Variants in CILK1 observed in about 807,000 individuals in gnomAD.
CILK1 encodes the protein ciliogenesis associated kinase 1.
A neutral mutation model predicts 79.2 loss-of-function variants in CILK1; 47 were observed. The observed-to-expected ratio is 0.59, with a 90% CI of 0.47 to 0.76. CILK1 has a LOEUF of 0.76. CILK1 is among the 30% of genes least tolerant of loss of function. The pLI, the probability that CILK1 is intolerant of heterozygous loss-of-function variation, is 0.00. For missense variants in CILK1, 660 were observed against 769.5 expected, an observed-to-expected ratio of 0.86 and a Z score of 1.68; for synonymous variants, 266 against 275.9, an observed-to-expected ratio of 0.96 and a Z score of 0.36.
At chr6:53,008,101 A>C (rs1022011284) in intron 12 of CILK1, among the ~76,000 whole-genome samples, 15 of 151,624 alleles carry the variant, frequency 9.9e-5, no homozygotes, top group Non-Finnish European at 1.5e-4. Context: ...ATTGCAATCA[A>C]CTTATGTATT....
intron 7 of CILK1, among the ~76,000 whole-genome samples, 164 bp from the exon 8 acceptor site, chr6:53,016,414 G>T (rs1764899020): frequency 6.6e-6 from 1 of 152,118 alleles, no homozygotes; most frequent in African/African-American, 2.4e-5. Context: ...ATGAGACATA[G>T]ATTTAGATTA....
chr6:53,031,024 T>C, intron 5 of CILK1, 41 bp downstream of exon 5: 3 of 1,338,768 alleles, frequency 2.2e-6, no homozygotes, highest in Non-Finnish European at 3.2e-6. Context: ...GATAACAACA[T>C]TTCACTGCTC....
chr6:53,011,756 T>C lies in CILK1; in HGVS notation c.1492+13A>G. 1 of 1,612,642 alleles carries C rather than the reference T, an allele frequency of 6.2e-7. No individual in the cohort carries two copies. The highest frequency in any genetic ancestry group is 8.5e-7 in the Non-Finnish European group (1 of 1,178,626). On this transcript the variant is annotated intron_variant, in intron 11 of 13. Transcript: ENST00000676107. ...TATTAATAATCAAAGTAAAGCCAAG[T>C]CATTTATATTACCAGGCAAGTATCG...
chr6:53,043,977 G>A (rs952024576), intron 1 of CILK1, among the ~76,000 whole-genome samples: 1 of 152,004 alleles, frequency 6.6e-6, no homozygotes, highest in Non-Finnish European at 1.5e-5. Context: ...ACTCCAAGAA[G>A]CAGAAACTAA....
At chr6:53,052,260 CCATGGTGTATATGTA>C (rs1767534965) in intron 1 of CILK1, among the ~76,000 whole-genome samples, 1 of 152,142 alleles carries the variant, frequency 6.6e-6, no homozygotes. Flanking sequence ...GCAAAGTATT[CCATGGTGTATATGTA>C]CATTTTCTTT....
chr6:53,016,090 G>C lies in CILK1; in HGVS notation c.824C>G (p.Ala275Gly). The C allele has an allele frequency of 6.2e-7, 1 of 1,613,974 alleles. No homozygotes were observed. The highest frequency in any genetic ancestry group is 8.5e-7 in the Non-Finnish European group (1 of 1,179,866). ...LQWDPKKRPT[A>G]SQALRYPYFQ... ...AAGAAAATGGAAGAAAACCTGACTA[G>C]CTGTTGGTCGTTTCTTGGGATCCCA... The change falls in exon 8 of 14, where the codon GCT becomes GGT. Residue 275 changes from alanine to glycine, a missense_variant. Ala to Gly is a moderately conservative substitution (Grantham distance 60, BLOSUM62 0). Coordinates refer to ENST00000676107, the MANE Select transcript of CILK1 (RefSeq NM_014920.5).
intron 3 of CILK1, among the ~76,000 whole-genome samples, chr6:53,034,858 T>A (rs1023343274): frequency 6.6e-6 from 1 of 152,104 alleles, no homozygotes; most frequent in South Asian, 2.1e-4. Flanking sequence ...ATCACCAAGA[T>A]GTGACTTGAA....
intron 12 of CILK1, 91 bp from the exon 13 acceptor site, chr6:53,006,528 A>AACT (rs1388461662): frequency 1.6e-5 from 23 of 1,436,900 alleles, no homozygotes; most frequent in Non-Finnish European, 2.2e-5. Flanking sequence ...AGCAATAACA[A>AACT]ACTAAGTTTT....
At chr6:53,029,966 C>T (rs1041295767) in intron 5 of CILK1, among the ~76,000 whole-genome samples, 2 of 152,162 alleles carry the variant, frequency 1.3e-5, no homozygotes, top group African/African-American at 4.8e-5. Context: ...CATCTGGTGG[C>T]TCTGTGCTCA....
intron 1 of CILK1, 124 bp from the exon 2 acceptor site, chr6:53,041,532 T>C: frequency 7.7e-6 from 3 of 388,182 alleles, no homozygotes; most frequent in Non-Finnish European, 1.5e-5. Flanking sequence ...ATACCATTCA[T>C]GACTACAACA....
At chr6:53,031,215 A>AC (rs1463079024) in intron 4 of CILK1, 71 bp from the exon 5 acceptor site, 6 of 968,516 alleles carry the variant, frequency 6.2e-6, no homozygotes, top group Non-Finnish European at 1.0e-5. Context: ...ACTAAAGAAT[A>AC]CCATTTGTCC....
At chr6:53,043,335 T>TA (rs1581748212) in intron 1 of CILK1, among the ~76,000 whole-genome samples, 4 of 150,948 alleles carry the variant, frequency 2.6e-5, no homozygotes, top group East Asian at 1.9e-4. Flanking sequence ...TATATATATA[T>TA]TAAAAAATAA....
chr6:53,025,486 C>G (rs1269671068), intron 5 of CILK1, among the ~76,000 whole-genome samples: 1 of 152,218 alleles, frequency 6.6e-6, no homozygotes. Context: ...ATCAGCCAAG[C>G]TTTATCCTCT....
Position 53,032,620 on chromosome 6 carries a change from T to C in CILK1, c.191A>G (p.Lys64Arg), listed in dbSNP as rs1295336929. ...ATTTTCCCTGATAACTTCTTTTAATTTGACTACATTGGCATGGTTGAGCTT... is the reference window on the plus strand; with the variant it reads ...ATTTTCCCTGATAACTTCTTTTAATCTGACTACATTGGCATGGTTGAGCTT... ...LKKLNHANVV[K>R]LKEVIRENDH... The change falls in exon 4 of 14, where the codon AAA becomes AGA. Residue 64 changes from lysine (K) to arginine (R), a missense_variant. Transcript: ENST00000676107. 1.0e-5 allele frequency: 16 copies of C among 1,606,856 alleles called. No individual in the cohort carries two copies. The Admixed American group carries it at 1.3e-4, about 13-fold the overall frequency.
chr6:53,030,574 T>C (rs917797017), intron 5 of CILK1, among the ~76,000 whole-genome samples: 16 of 152,362 alleles, frequency 1.1e-4, no homozygotes, highest in Admixed American at 3.3e-4. Context: ...TATCCACATC[T>C]TGTTTTGCCT....
At chr6:53,021,855 TAGA>T (rs1248713291) in intron 5 of CILK1, among the ~76,000 whole-genome samples, 2 of 151,694 alleles carry the variant, frequency 1.3e-5, no homozygotes, top group Non-Finnish European at 2.9e-5. Flanking sequence ...AGGAGGTACC[TAGA>T]AGGCTTTGTT....
In CILK1 at chr6:53,004,707, G is replaced by C. The variant is rs1289640396; in HGVS notation, c.*442C>G. The C allele has an allele frequency of 5.8e-6, 1 of 172,740 alleles. No individual in the cohort carries two copies. Among genetic ancestry groups the C allele is most frequent in the Non-Finnish European group, 1.3e-5 (1 of 79,862 alleles). 10.7% of individuals were successfully genotyped at this position (172,740 alleles called of 1,614,324 possible). On this transcript the variant is annotated 3_prime_UTR_variant, in exon 14 of 14. Transcript: ENST00000676107. ...CTTCATAAATATCTGCACACACTGA[G>C]TAAATAACCCTCTATCACATAGCCT...
chr6:53,041,769 G>A (rs1376338620), intron 1 of CILK1, among the ~76,000 whole-genome samples: 3 of 152,202 alleles, frequency 2.0e-5, no homozygotes, highest in Non-Finnish European at 4.4e-5. Context: ...GCTTGAGTGA[G>A]TGTAGGGTGG....
At chr6:53,015,504 T>C (rs974159869) in intron 8 of CILK1, among the ~76,000 whole-genome samples, 1 of 152,246 alleles carries the variant, frequency 6.6e-6, no homozygotes, top group Non-Finnish European at 1.5e-5. Context: ...TTGCTTAAAC[T>C]TTCCAAGATT....
Sources: gnomAD v4.1 joint callset for allele counts (sites outside exome capture counted in the v4.1 genomes callset) on GRCh38, gnomAD v4.1.1 for gene constraint, MANE v1.5 for transcripts, NCBI Gene and HGNC (gene_info 2026-07-23, HGNC 2026-07-21) for gene names.